UTRN: variants seen among roughly 807,000 people sequenced by gnomAD.
UTRN encodes utrophin, also known as dystrophin-related protein 1.
A neutral mutation model predicts 463.9 loss-of-function variants in UTRN; 283 were observed. The ratio of observed to expected loss-of-function variants is 0.61; its 90% confidence interval spans 0.55 to 0.67. UTRN has a LOEUF of 0.67. UTRN is among the 30% of genes least tolerant of loss of function. The pLI, the probability that UTRN is intolerant of heterozygous loss-of-function variation, is 0.00. For missense variants in UTRN, 3,922 were observed against 4,084.3 expected, an observed-to-expected ratio of 0.96 and a Z score of 1.08; for synonymous variants, 1,442 against 1,431.5, an observed-to-expected ratio of 1.01 and a Z score of -0.17.
chr6:144,530,543 A>G (rs553879240), intron 41 of UTRN, among the ~76,000 whole-genome samples: 4 of 152,314 alleles, frequency 2.6e-5, no homozygotes, highest in Admixed American at 2.6e-4. Flanking sequence ...CTTGCCGGGA[A>G]CTAAGTGTTC....
chr6:144,845,804 T>C (rs566978839), intron 73 of UTRN, among the ~76,000 whole-genome samples: 1 of 152,240 alleles, frequency 6.6e-6, no homozygotes, highest in East Asian at 1.9e-4. Context: ...TTTAGCCTGA[T>C]TTCTCCCCCA....
At chr6:144,383,119 A>G (rs1781080186) in intron 2 of UTRN, among the ~76,000 whole-genome samples, 1 of 150,380 alleles carries the variant, frequency 6.6e-6, no homozygotes, top group Non-Finnish European at 1.5e-5. Context: ...TTTTGTAGAG[A>G]CAGGGTTTTA....
intron 46 of UTRN, among the ~76,000 whole-genome samples, chr6:144,543,076 G>A (rs980508951): frequency 1.3e-5 from 2 of 152,174 alleles, no homozygotes; most frequent in Admixed American, 1.3e-4. Context: ...TTGTTCTCGC[G>A]GCAGATAAGG....
intron 51 of UTRN, among the ~76,000 whole-genome samples, chr6:144,661,561 G>A (rs757470141): frequency 3.9e-5 from 6 of 152,160 alleles, no homozygotes; most frequent in Non-Finnish European, 7.4e-5. Context: ...TAGAAGGGGC[G>A]GGGAAGGCAA....
intron 65 of UTRN, among the ~76,000 whole-genome samples, chr6:144,808,936 C>G (rs1363876303): frequency 6.6e-6 from 1 of 151,984 alleles, no homozygotes; most frequent in Non-Finnish European, 1.5e-5. Context: ...GATTCCATAT[C>G]TTGGCTATTG....
chr6:144,717,349 C>A (rs1168496108), intron 53 of UTRN, among the ~76,000 whole-genome samples: 2 of 152,174 alleles, frequency 1.3e-5, no homozygotes, highest in African/African-American at 4.8e-5. Flanking sequence ...GAAAAGCTCT[C>A]CATGGCTTGT....
At chr6:144,516,120 A>G in intron 37 of UTRN, 109 bp from the exon 38 acceptor site, 3 of 1,112,382 alleles carry the variant, frequency 2.7e-6, no homozygotes, top group Non-Finnish European at 3.9e-6. Context: ...GCTGAATAGA[A>G]AAGTCAGTTA....
At chr6:144,495,957 C>T (rs574425125) in intron 33 of UTRN, among the ~76,000 whole-genome samples, 8 of 152,076 alleles carry the variant, frequency 5.3e-5, no homozygotes, top group South Asian at 2.1e-4. Context: ...AACAGTCTAC[C>T]GAGAAATGTT....
intron 23 of UTRN, among the ~76,000 whole-genome samples, chr6:144,470,791 G>A (rs1270238798): frequency 2.0e-5 from 3 of 151,984 alleles, no homozygotes; most frequent in African/African-American, 4.8e-5. Context: ...TCGGGAGGCC[G>A]AGGCTGGCAG....
Position 144,836,378 on chromosome 6 carries a change from C to A in UTRN, c.9902C>A (p.Ser3301Ter). 3 of 1,613,972 alleles carry A rather than the reference C, an allele frequency of 1.9e-6. No individual in the cohort carries two copies. Among genetic ancestry groups the A allele is most frequent in the South Asian group, 2.2e-5 (2 of 91,008 alleles). The change falls in exon 71 of 75, where the codon TCG becomes TAG. Residue 3301 changes from serine (S) to a stop codon, truncating the protein, a stop_gained. Transcript: ENST00000367545. LOFTEE classifies it high-confidence loss of function. ...CTCCCTGTCGGTTCACCGCCAGAGTCGATTATATCTCCCCATCACACGTCT... is the reference window on the plus strand; with the variant it reads ...CTCCCTGTCGGTTCACCGCCAGAGTAGATTATATCTCCCCATCACACGTCT... Reference protein sequence around the residue: ...RGLPVGSPPESIISPHHTSED... With the variant: ...RGLPVGSPPE
chr6:144,777,874 G>A (rs1775474132), intron 60 of UTRN, among the ~76,000 whole-genome samples: 1 of 151,956 alleles, frequency 6.6e-6, no homozygotes, highest in Non-Finnish European at 1.5e-5. Flanking sequence ...TTAAGTTATA[G>A]AGTCTGAATG....
intron 64 of UTRN, among the ~76,000 whole-genome samples, chr6:144,801,280 C>T (rs1777676799): frequency 6.6e-6 from 1 of 151,934 alleles, no homozygotes; most frequent in Admixed American, 6.6e-5. Flanking sequence ...TTTCTTCAAG[C>T]TAATGGTGAC....
rs543967466 is a variant in UTRN at position 144,634,000 on chromosome 6, C to T, written c.7480-44406C>T. ...TGCTTTTAAATGTCTAGCTGCACAG[C>T]TGAGCAAAAAAGCCCAACCTGGCAG... On this transcript the variant is annotated intron_variant, in intron 51 of 74. Transcript: ENST00000367545. Among the ~76,000 whole-genome samples, 10 of 152,346 alleles carry T rather than the reference C, an allele frequency of 6.6e-5. No individual in the cohort carries two copies. In the South Asian group the frequency reaches 2.1e-3, roughly 32 times the overall value.
chr6:144,370,986 C>G (rs532972607), intron 2 of UTRN, among the ~76,000 whole-genome samples: 2 of 152,358 alleles, frequency 1.3e-5, no homozygotes, highest in East Asian at 3.9e-4. Flanking sequence ...ACCTGCATTA[C>G]TGTTTGACAG....
chr6:144,359,180 C>G (rs140194333), intron 2 of UTRN, among the ~76,000 whole-genome samples: 1 of 152,288 alleles, frequency 6.6e-6, no homozygotes, highest in Non-Finnish European at 1.5e-5. Flanking sequence ...GCAGGTTTGT[C>G]CACCGTGAGA....
chr6:144,701,203 G>A lies in UTRN; in HGVS notation c.7809+960G>A, dbSNP rs545012934. Among the ~76,000 whole-genome samples, 26 of 151,754 alleles carry A rather than the reference G, an allele frequency of 1.7e-4. No homozygotes were observed. The South Asian group carries it at 5.2e-3, about 30-fold the overall frequency. On this transcript the variant is annotated intron_variant, in intron 53 of 74. Transcript: ENST00000367545. ...ATTACAGGCATGAGCCACCTTACCC[G>A]ACCTGAGAAAATTTTTAAACTACAA...
At position 144,433,467 on chromosome 6, in the gene UTRN, G is replaced by A. The variant is rs1341780995; in HGVS notation, c.856-2468G>A. 9.2e-5 allele frequency among the ~76,000 whole-genome samples: 14 copies of A among 151,544 alleles called. No individual in the cohort carries two copies. The East Asian group carries it at 1.4e-3, about 15-fold the overall frequency. ...CGGAGGGGCTCCTCACTTCTCAGACGGGGCGGTTGCCAGGCAGAGGGTCTC... is the reference window on the plus strand; with the variant it reads ...CGGAGGGGCTCCTCACTTCTCAGACAGGGCGGTTGCCAGGCAGAGGGTCTC... On this transcript the variant is annotated intron_variant, in intron 9 of 74. Transcript: ENST00000367545.
At chr6:144,697,437 A>G (rs771833846) in intron 52 of UTRN, among the ~76,000 whole-genome samples, 16 of 152,192 alleles carry the variant, frequency 1.1e-4, no homozygotes, top group Non-Finnish European at 2.2e-4. Flanking sequence ...CTTACAAAGC[A>G]TTCGACCTGT....
intron 62 of UTRN, among the ~76,000 whole-genome samples, chr6:144,793,284 A>T (rs1241526880): frequency 6.6e-6 from 1 of 150,466 alleles, no homozygotes; most frequent in Non-Finnish European, 1.5e-5. Flanking sequence ...GTGTTTTTTT[A>T]TTTTTTTTTG....
Sources: allele counts gnomAD v4.1 joint callset (sites outside exome capture counted in the v4.1 genomes callset), GRCh38; gene constraint gnomAD v4.1.1; transcripts MANE v1.5; gene names NCBI Gene and HGNC (gene_info 2026-07-23, HGNC 2026-07-21).